VTI1B: variants seen among roughly 807,000 people sequenced by gnomAD.
VTI1B encodes vesicle transport through interaction with t-SNAREs 1B.
Under a neutral mutation model 28.6 loss-of-function variants are expected in VTI1B, and 18 were observed. The observed-to-expected ratio is 0.63, with a 90% confidence interval of 0.43 to 0.93. The LOEUF (loss-of-function observed/expected upper bound fraction) is 0.93. VTI1B is among the 40% of genes least tolerant of loss of function. The pLI is 0.00. For missense variants in VTI1B, 283 were observed against 297.0 expected (o/e 0.95, Z 0.35); for synonymous variants, 100 against 107.9 (o/e 0.93, Z 0.46).
intron 1 of VTI1B, among the ~76,000 whole-genome samples, chr14:67,668,586 A>T (rs1367700612): frequency 3.3e-5 from 5 of 152,250 alleles, no homozygotes; most frequent in African/African-American, 9.6e-5. Context: ...CAATTCACAC[A>T]TTCCATCATC....
At chr14:67,668,083 G>GGGTCT (rs1463929229) in intron 1 of VTI1B, among the ~76,000 whole-genome samples, 1 of 152,046 alleles carries the variant, frequency 6.6e-6, no homozygotes, top group Non-Finnish European at 1.5e-5. Flanking sequence ...GAAAATAATA[G>GGGTCT]GGTCTTGTGT....
At chr14:67,663,085 G>T in intron 1 of VTI1B, 1 of 1,485,844 alleles carries the variant, frequency 6.7e-7, no homozygotes, top group Non-Finnish European at 8.9e-7. Flanking sequence ...GTGTGGCACC[G>T]GCAATGACTT....
intron 4 of VTI1B, among the ~76,000 whole-genome samples, chr14:67,654,390 AC>A (rs2037228364): frequency 6.6e-6 from 1 of 151,868 alleles, no homozygotes; most frequent in Non-Finnish European, 1.5e-5. Flanking sequence ...CCATCCTCCC[AC>A]CTCAGCCTCC....
At chr14:67,663,091 G>C (rs1421699224) in intron 1 of VTI1B, 7 of 1,502,506 alleles carry the variant, frequency 4.7e-6, no homozygotes, top group Non-Finnish European at 6.2e-6. Flanking sequence ...CACCGGCAAT[G>C]ACTTGAACGA....
At position 67,650,603 on chromosome 14, in the gene VTI1B, T is replaced by C. The variant is rs2037160451; in HGVS notation, c.*782A>G. 1 of 940,212 alleles carries C rather than the reference T, an allele frequency of 1.1e-6. No homozygotes were observed. Among genetic ancestry groups the C allele is most frequent in the African/African-American group, 1.6e-5 (1 of 60,926 alleles). The allele number at this position is 940,212 out of a possible 1,614,324, so 58.2% of individuals were successfully genotyped here. ...TCCTAAAAATAGGTATTTTCTACTA[T>C]AAAATGGACTCTTGTTTTTACTTTG... On this transcript the variant is annotated 3_prime_UTR_variant, in exon 6 of 6. Coordinates refer to ENST00000554659, the MANE Select transcript of VTI1B (RefSeq NM_006370.3).
Position 67,648,197 on chromosome 14 carries a change from A to C in VTI1B, c.*3188T>G. ...TACACAATACAGGTATGTAGCAACC[A>C]GGTCTGCAGCCTGTTAACTACATAG... is the stretch of plus-strand genomic sequence containing the variant. On this transcript the variant is annotated 3_prime_UTR_variant, in exon 6 of 6. Transcript: ENST00000554659. 2 of 1,608,696 alleles carry C rather than the reference A, an allele frequency of 1.2e-6. No homozygotes were observed. The highest frequency in any genetic ancestry group is 1.7e-6 in the Non-Finnish European group (2 of 1,176,676).
rs754146437 is a variant in VTI1B, at chr14:67,662,511, T to C, written c.140A>G (p.Asp47Gly). Residue 47 changes from aspartate to glycine, a missense_variant, in exon 2 of 6, where the codon GAT becomes GGT. Coordinates refer to ENST00000554659, the MANE Select transcript of VTI1B (RefSeq NM_006370.3). Reference sequence around the variant, plus strand: ...TGCTTCCTGTTGCTTTTCATCAAAATCCCTGATCAATTTCTTCTTTTCTTC... The same window carrying C: ...TGCTTCCTGTTGCTTTTCATCAAAACCCCTGATCAATTTCTTCTTTTCTTC... Reference protein sequence around the residue: ...GTEEKKKLIRDFDEKQQEANE... With the variant: ...GTEEKKKLIRGFDEKQQEANE... 1 of 1,611,692 alleles carries C rather than the reference T, an allele frequency of 6.2e-7. No homozygotes were observed. The highest frequency in any genetic ancestry group is 8.5e-7 in the Non-Finnish European group (1 of 1,179,450).
Position 67,674,563 on chromosome 14 carries a change from G to T in VTI1B, c.-74C>A. On this transcript the variant is annotated 5_prime_UTR_variant, in exon 1 of 6. Coordinates refer to ENST00000554659, the MANE Select transcript of VTI1B (RefSeq NM_006370.3). ...CCCTTTCCTAGCCCGGCGGTCAGCC[G>T]CCCAGCCCAGTGGCCATAACGGCGA... The T allele has an allele frequency of 2.2e-6, 3 of 1,345,866 alleles. No individual in the cohort carries two copies. The highest frequency in any genetic ancestry group is 2.0e-6 in the Non-Finnish European group (2 of 1,013,918). The allele number at this position is 1,345,866 out of a possible 1,614,324, so 83.4% of individuals were successfully genotyped here.
chr14:67,672,178 G>A (rs2140036910), intron 1 of VTI1B, among the ~76,000 whole-genome samples: 1 of 150,980 alleles, frequency 6.6e-6, no homozygotes, highest in Non-Finnish European at 1.5e-5. Flanking sequence ...GAGTGCAGTG[G>A]TGCGATCTTG....
Position 67,662,546 on chromosome 14 carries a change from T to TA in VTI1B, c.116-12dup. On this transcript the variant is annotated splice_polypyrimidine_tract_variant and intron_variant, in intron 1 of 5. Coordinates refer to ENST00000554659, the MANE Select transcript of VTI1B (RefSeq NM_006370.3). ...ATTTCTTCTTTTCTTCTAGAAAAGA[T>TA]AGATAAGTTTCAAATGCTTATTACT... The TA allele has an allele frequency of 6.2e-7, 1 of 1,601,986 alleles. No homozygotes were observed. Among genetic ancestry groups the TA allele is most frequent in the Non-Finnish European group, 8.5e-7 (1 of 1,171,996 alleles).
intron 1 of VTI1B, among the ~76,000 whole-genome samples, chr14:67,673,880 G>A (rs1211873083): frequency 5.9e-5 from 9 of 152,082 alleles, no homozygotes. Context: ...ACATCTAAAT[G>A]CCACAATCAG....
chr14:67,662,989 C>A, intron 1 of VTI1B: 1 of 1,359,208 alleles, frequency 7.4e-7, no homozygotes, highest in African/African-American at 1.5e-5. Flanking sequence ...TCTATGTTAA[C>A]TCGTACACTA....
chr14:67,666,555 G>A (rs1007159294), intron 1 of VTI1B, among the ~76,000 whole-genome samples: 1 of 152,196 alleles, frequency 6.6e-6, no homozygotes, highest in Non-Finnish European at 1.5e-5. Flanking sequence ...AAGCCAGGGA[G>A]GCAGATAATT....
At chr14:67,668,460 G>A (rs187532302) in intron 1 of VTI1B, among the ~76,000 whole-genome samples, 338 of 152,328 alleles carry the variant, frequency 2.2e-3, no homozygotes, top group Non-Finnish European at 3.5e-3. Flanking sequence ...CTGTACTTTG[G>A]AGAAATACAG....
chr14:67,655,109 G>A (rs1472038169), intron 4 of VTI1B, among the ~76,000 whole-genome samples: 1 of 151,084 alleles, frequency 6.6e-6, no homozygotes, highest in Non-Finnish European at 1.5e-5. Context: ...GGAGGCCAAG[G>A]TGGAATGATT....
At position 67,650,826 on chromosome 14, in the gene VTI1B, G is replaced by A. The variant is rs1339195925; in HGVS notation, c.*559C>T. ...GTAGATGTGATTGCTTCAAGCTTTGGTCAGACAAGAGAAGGAGGGCATATT... is the reference window on the plus strand; with the variant it reads ...GTAGATGTGATTGCTTCAAGCTTTGATCAGACAAGAGAAGGAGGGCATATT... On this transcript the variant is annotated 3_prime_UTR_variant, in exon 6 of 6. Transcript: ENST00000554659. The A allele has an allele frequency of 6.2e-7, 1 of 1,614,064 alleles. No homozygotes were observed. The highest frequency in any genetic ancestry group is 1.7e-5 in the Admixed American group (1 of 60,006).
chr14:67,658,910 G>C (rs907432293), intron 3 of VTI1B, among the ~76,000 whole-genome samples: 2 of 152,188 alleles, frequency 1.3e-5, no homozygotes, highest in Non-Finnish European at 2.9e-5. Flanking sequence ...CGTGAAACAG[G>C]ATTTGTTTAA....
chr14:67,656,114 C>T (rs753025394), intron 4 of VTI1B, among the ~76,000 whole-genome samples: 8 of 151,944 alleles, frequency 5.3e-5, no homozygotes, highest in South Asian at 2.1e-4. Flanking sequence ...GGCATGGTGG[C>T]GCATGCCTGT....
Position 67,648,478 on chromosome 14 carries a change from TA to T in VTI1B, c.*2906del, listed in dbSNP as rs1201798838. 4.4e-6 allele frequency: 1 copy of T among 225,452 alleles called. No homozygotes were observed. The highest frequency in any genetic ancestry group is 2.3e-5 in the African/African-American group (1 of 43,920). The allele number at this position is 225,452 out of a possible 1,614,324, so 14.0% of individuals were successfully genotyped here. ...AACTGATGCAGTTCTTTGAGTTATC[TA>T]AAGGCAGATTAAGATAAGAAGGCAA... is the stretch of plus-strand genomic sequence containing the variant. On this transcript the variant is annotated 3_prime_UTR_variant, in exon 6 of 6. Transcript: ENST00000554659.
Sources: allele counts gnomAD v4.1 joint callset (sites outside exome capture counted in the v4.1 genomes callset), GRCh38; gene constraint gnomAD v4.1.1; transcripts MANE v1.5; gene names NCBI Gene and HGNC (gene_info 2026-07-23, HGNC 2026-07-21).